The following CROCC variants were observed in gnomAD, a reference collection of about 807,000 sequenced individuals.
CROCC encodes ciliary rootlet coiled-coil, rootletin.
Under a neutral mutation model 245.2 loss-of-function variants are expected in CROCC, and 180 were observed. The ratio of observed to expected loss-of-function variants is 0.73; its 90% CI spans 0.65 to 0.83. The LOEUF is 0.83. Ranked by LOEUF, CROCC falls within the 40% of genes least tolerant of loss-of-function variation. The pLI, the probability that CROCC is intolerant of heterozygous loss-of-function variation, is 0.00. For synonymous variants in CROCC, 1,205 were observed against 1,241.6 expected (o/e 0.97, Z 0.62); for missense variants, 2,688 against 2,779.4 (o/e 0.97, Z 0.74).
At chr1:16,922,630 T>G in intron 1 of CROCC, 33 bp from the exon 2 acceptor site, 1 of 1,569,438 alleles carries the variant, frequency 6.4e-7, no homozygotes, top group Admixed American at 1.9e-5. Flanking sequence ...CCGGGTCCCA[T>G]GTCCCCTGAA....
At chr1:16,948,279 G>T in intron 17 of CROCC, 52 bp from the exon 18 acceptor site, 1 of 1,489,530 alleles carries the variant, frequency 6.7e-7, no homozygotes, top group South Asian at 1.3e-5. Context: ...GCTGCACGAT[G>T]AACAAGCTGG....
rs763364549 is a variant in CROCC, at chr1:16,966,489, G to A, written c.4778G>A (p.Arg1593Gln). The A allele has an allele frequency of 1.3e-5, 20 of 1,533,542 alleles. No homozygotes were observed. Among genetic ancestry groups the A allele is most frequent in the South Asian group, 4.8e-5 (4 of 83,762 alleles). 95.0% of individuals were successfully genotyped at this position (1,533,542 alleles called of 1,614,324 possible). A position where few individuals can be genotyped will look rare whatever the true frequency, so the allele number is the denominator to read the frequency against. ...LQEESVRRSE[R>Q]ERRATLDQVA... ...GAGGAGAGTGTGCGGCGCAGTGAGC[G>A]GGAGCGCCGGGCCACGCTGGACCAG... is the stretch of plus-strand genomic sequence containing the variant. Residue 1593 changes from arginine (R) to glutamine (Q), a missense_variant, in exon 30 of 37, where the codon CGG becomes CAG. By Grantham distance (43) the Arg-to-Gln change is conservative. Transcript: ENST00000375541. The surrounding 1 kb of genome is among the most constrained non-coding windows in gnomAD (Gnocchi z 4.8).
Position 16,946,261 on chromosome 1 carries a change from T to C in CROCC, c.2139T>C (p.Ala713=). Reference sequence around the variant, plus strand: ...TTTCTCGGGGCCTGACCCTGCAGGCTGAGGCTGGCCGCGTGGAGCTCGAGC... The same window carrying C: ...TTTCTCGGGGCCTGACCCTGCAGGCCGAGGCTGGCCGCGTGGAGCTCGAGC... ...KAEVAEALTK[A]EAGRVELELS... Residue 713 remains alanine, a splice_region_variant and synonymous_variant, in exon 16 of 37, where the codon GCT becomes GCC. Coordinates refer to ENST00000375541, the MANE Select transcript of CROCC (RefSeq NM_014675.5). 6.2e-7 allele frequency: 1 copy of C among 1,612,598 alleles called. No homozygotes were observed. The highest frequency in any genetic ancestry group is 8.5e-7 in the Non-Finnish European group (1 of 1,179,534).
Position 16,971,499 on chromosome 1 carries a change from C to G in CROCC, c.5819C>G (p.Pro1940Arg). Reference protein sequence around the residue: ...QVVVLEQSHSPAQLEVDAQQQ... With the variant: ...QVVVLEQSHSRAQLEVDAQQQ... ...GTGGTGCTGGAGCAGAGCCACAGCC[C>G]GGCCCAGCTGGAGGTGGATGCGCAG... Residue 1940 changes from proline (P) to arginine (R), a missense_variant, in exon 36 of 37, where the codon CCG (proline) becomes CGG (arginine). By Grantham distance (103) the Pro-to-Arg change is moderately radical. This residue lies in a region of CROCC where 1,218 missense variants were observed against 1,286.3 expected (regional missense o/e 0.95). Coordinates refer to ENST00000375541, the MANE Select transcript of CROCC (RefSeq NM_014675.5). 6.5e-7 allele frequency: 1 copy of G among 1,537,008 alleles called. No individual in the cohort carries two copies. Among genetic ancestry groups the G allele is most frequent in the South Asian group, 1.2e-5 (1 of 83,926 alleles).
intron 27 of CROCC, among the ~76,000 whole-genome samples, chr1:16,963,608 T>C (rs896120095): frequency 1.3e-5 from 2 of 152,064 alleles, no homozygotes. Context: ...CAAGGCAGGA[T>C]GCTCATGGCA....
chr1:16,948,298 G>A (rs982611530), intron 17 of CROCC, 33 bp from the exon 18 acceptor site: 5 of 1,519,218 alleles, frequency 3.3e-6, no homozygotes, highest in Non-Finnish European at 4.4e-6. Context: ...GGGGGACGCT[G>A]GGAGTGCTAC....
At chr1:16,944,555 T>C (rs1346319460) in intron 14 of CROCC, among the ~76,000 whole-genome samples, 5 of 152,420 alleles carry the variant, frequency 3.3e-5, no homozygotes, top group Admixed American at 2.0e-4. Context: ...TTAGCAGTAG[T>C]ATTTTAAAAA....
At chr1:16,953,876 A>G in intron 21 of CROCC, 1 of 232,060 alleles carries the variant, frequency 4.3e-6, no homozygotes, top group Non-Finnish European at 7.5e-6. Context: ...TAACGGAGAC[A>G]GGGCAGACTG....
At chr1:16,942,494 T>C (rs371407720) in intron 13 of CROCC, among the ~76,000 whole-genome samples, 4 of 152,412 alleles carry the variant, frequency 2.6e-5, no homozygotes, top group Admixed American at 2.0e-4. Context: ...TTCCTTCCCA[T>C]TGTGTTGCCT....
rs370810239 is a variant in CROCC, at chr1:16,969,206, G to A, written c.5167G>A (p.Ala1723Thr). ...GGCTAAGGTGGAGGAAAGCGAGGGGGCCCTGCGGGACAAGGTGCGGGGCCT... is the reference window on the plus strand; with the variant it reads ...GGCTAAGGTGGAGGAAAGCGAGGGGACCCTGCGGGACAAGGTGCGGGGCCT... ...ALAKVEESEGALRDKVRGLTE... is the reference protein window; with the variant it reads ...ALAKVEESEGTLRDKVRGLTE... The change falls in exon 32 of 37, where the codon GCC becomes ACC. Residue 1723 changes from alanine to threonine, a missense_variant. Physicochemically the swap from Ala to Thr is moderately conservative, Grantham distance 58. Coordinates refer to ENST00000375541, the MANE Select transcript of CROCC (RefSeq NM_014675.5). 6.2e-7 allele frequency: 1 copy of A among 1,610,634 alleles called. No individual in the cohort carries two copies. The highest frequency in any genetic ancestry group is 1.7e-5 in the Admixed American group (1 of 59,794).
At chr1:16,945,789 C>T (rs544375364) in intron 15 of CROCC, among the ~76,000 whole-genome samples, 183 bp downstream of exon 15, 1 of 152,406 alleles carries the variant, frequency 6.6e-6, no homozygotes, top group Non-Finnish European at 1.5e-5. Context: ...ACCTCTGGTC[C>T]CAGCCATAAG....
chr1:16,938,472 G>A lies in CROCC; in HGVS notation c.1363G>A (p.Asp455Asn), dbSNP rs1166682356. The A allele has an allele frequency of 2.5e-6, 4 of 1,576,396 alleles. No individual in the cohort carries two copies. Among genetic ancestry groups the A allele is most frequent in the Non-Finnish European group, 2.6e-6 (3 of 1,161,790 alleles). Residue 455 changes from aspartate to asparagine, a missense_variant, in exon 11 of 37, where the codon GAC (aspartate) becomes AAC (asparagine). Around this residue, in one of 9 missense-constraint regions of CROCC, gnomAD observed 972 missense variants for 895.3 expected, o/e 1.09. Transcript: ENST00000375541. Reference protein sequence around the residue: ...DGEGLQQTLRDLAQAVLSDSE... With the variant: ...DGEGLQQTLRNLAQAVLSDSE... ...AGAGGGGCTACAGCAGACCCTAAGG[G>A]ACCTGGCACAGGTGTGAGCCCAGAG...
chr1:16,938,136 ACC>A (rs1260048346), intron 10 of CROCC, among the ~76,000 whole-genome samples: 13 of 150,206 alleles, frequency 8.7e-5, no homozygotes, highest in Middle Eastern at 3.4e-3. Context: ...TGGTTTGGTC[ACC>A]CCTCTGTGTG....
rs749106354 is a variant in CROCC at position 16,966,003 on chromosome 1, A to C, written c.4580A>C (p.Glu1527Ala). The change falls in exon 29 of 37, where the codon GAA becomes GCA. Residue 1527 changes from glutamate to alanine, a missense_variant. This residue lies in a region of CROCC where 1,218 missense variants were observed against 1,286.3 expected (regional missense o/e 0.95). Coordinates refer to ENST00000375541, the MANE Select transcript of CROCC (RefSeq NM_014675.5). This position sits in a 1 kb window ranked among gnomAD's most constrained non-coding sequence, Gnocchi z 4.8. ...TCCCCCATGTCGGGGCTACAGGACGAACTTCGGACCCAGACCAGTGCCCTG... is the reference window on the plus strand; with the variant it reads ...TCCCCCATGTCGGGGCTACAGGACGCACTTCGGACCCAGACCAGTGCCCTG... Reference protein sequence around the residue: ...ELRSAQRERDELRTQTSALNR... With the variant: ...ELRSAQRERDALRTQTSALNR... 3.1e-6 allele frequency: 5 copies of C among 1,612,446 alleles called. No individual in the cohort carries two copies. The South Asian group carries it at 5.5e-5, about 18-fold the overall frequency.
intron 27 of CROCC, among the ~76,000 whole-genome samples, chr1:16,964,945 T>A (rs1394540700): frequency 2.6e-5 from 4 of 152,074 alleles, no homozygotes; most frequent in Middle Eastern, 6.8e-3. Flanking sequence ...CCTCCCAGAG[T>A]GCTGGGATTA....
intron 2 of CROCC, among the ~76,000 whole-genome samples, chr1:16,923,083 C>G (rs1294267064): frequency 6.6e-6 from 1 of 152,280 alleles, no homozygotes; most frequent in Non-Finnish European, 1.5e-5. Context: ...TCCCGTATTC[C>G]CACCCGGGGA....
rs567194408 is a variant in CROCC at position 16,968,262 on chromosome 1, G to A, written c.4920G>A (p.Leu1640=). The change falls in exon 31 of 37, where the codon CTG becomes CTA. Residue 1640 remains leucine, a synonymous_variant. Transcript: ENST00000375541. ...ETKLEGDKRR[L]KEVLDASESR... is the part of the protein sequence containing the mutation. Reference sequence around the variant, plus strand: ...AGCTGGAGGGCGACAAGCGGCGCCTGAAGGAGGTTCTGGACGCCTCCGAGA... The same window carrying A: ...AGCTGGAGGGCGACAAGCGGCGCCTAAAGGAGGTTCTGGACGCCTCCGAGA... 1.3e-6 allele frequency: 2 copies of A among 1,565,942 alleles called. No homozygotes were observed. The highest frequency in any genetic ancestry group is 1.2e-5 in the South Asian group (1 of 84,980).
intron 1 of CROCC, among the ~76,000 whole-genome samples, chr1:16,915,779 A>G (rs1299879367): frequency 3.9e-5 from 6 of 152,274 alleles, no homozygotes; most frequent in African/African-American, 1.2e-4. Flanking sequence ...CTGGCCGACA[A>G]GCGGGAGTCA....
At chr1:16,936,085 T>G (rs1289032217) in intron 8 of CROCC, among the ~76,000 whole-genome samples, 1 of 151,788 alleles carries the variant, frequency 6.6e-6, no homozygotes, top group Non-Finnish European at 1.5e-5. Flanking sequence ...AATCTGAGAG[T>G]GGACAAATGG....
Sources: allele counts gnomAD v4.1 joint callset (sites outside exome capture counted in the v4.1 genomes callset), GRCh38; gene constraint gnomAD v4.1.1; regional missense constraint gnomAD v4.1.1; non-coding constraint Gnocchi (gnomAD v3.1); transcripts MANE v1.5; gene names NCBI Gene and HGNC (gene_info 2026-07-23, HGNC 2026-07-21).